Variants in IKZF3 observed in about 807,000 individuals in gnomAD.
IKZF3 encodes the protein zinc finger protein Aiolos.
In IKZF3, 10 loss-of-function variants were observed where a neutral mutation model predicts 49.0. The ratio of observed to expected loss-of-function variants is 0.20; its 90% confidence interval spans 0.13 to 0.35. IKZF3 has a LOEUF of 0.35. Among genes scored for constraint, IKZF3 ranks in the 10% least tolerant of loss-of-function variants. IKZF3 has a pLI of 1.00. For synonymous variants in IKZF3, 209 were observed against 228.2 expected, an observed-to-expected ratio of 0.92 and a Z score of 0.76; for missense variants, 498 against 664.8, an observed-to-expected ratio of 0.75 and a Z score of 2.76.
At chr17:39,809,638 C>T in intron 3 of IKZF3, among the ~76,000 whole-genome samples, 1 of 152,226 alleles carries the variant, frequency 6.6e-6, no homozygotes, top group East Asian at 1.9e-4. Flanking sequence ...AACCGCAAGA[C>T]ACAACTGTCA....
intron 3 of IKZF3, among the ~76,000 whole-genome samples, chr17:39,824,079 G>A (rs2061890013): frequency 6.6e-6 from 1 of 152,228 alleles, no homozygotes; most frequent in Admixed American, 6.5e-5. Context: ...AAAGCAGCTG[G>A]GAAGGGGACT....
intron 3 of IKZF3, among the ~76,000 whole-genome samples, chr17:39,796,736 C>T (rs112350333): frequency 0.1 from 14,866 of 148,972 alleles, 952 homozygotes; most frequent in Non-Finnish European, 0.13. Flanking sequence ...TTAGTAGAGA[C>T]GGGGTTTCAC....
In IKZF3 at chr17:39,856,917, G is replaced by GA. The variant is rs542381942; in HGVS notation, c.7+7202dup. ...CATGTTTATAAAATTTTAATATTTG[G>GA]AAAAAAAAGCCTCATTTTGAGGTCA... is the stretch of plus-strand genomic sequence containing the variant. On this transcript the variant is annotated intron_variant, in intron 1 of 7. Coordinates refer to ENST00000346872, the MANE Select transcript of IKZF3 (RefSeq NM_012481.5). 7.3e-5 allele frequency among the ~76,000 whole-genome samples: 11 copies of GA among 151,298 alleles called. No homozygotes were observed. In the East Asian group the frequency reaches 1.4e-3, roughly 19 times the overall value.
intron 5 of IKZF3, among the ~76,000 whole-genome samples, chr17:39,789,703 G>A (rs146372823): frequency 0.034 from 5,050 of 150,494 alleles, 319 homozygotes; most frequent in African/African-American, 0.12. Flanking sequence ...ACTCCAGCCT[G>A]GGTGACAGAG....
chr17:39,825,938 A>G (rs1315841394), intron 3 of IKZF3, among the ~76,000 whole-genome samples: 1 of 152,158 alleles, frequency 6.6e-6, no homozygotes, highest in Non-Finnish European at 1.5e-5. Flanking sequence ...TTTCCCCTAC[A>G]ATTGACTTTG....
intron 1 of IKZF3, among the ~76,000 whole-genome samples, chr17:39,850,700 T>TATCTAATATGCTATATAG (rs2062825365): frequency 1.1e-3 from 2 of 1,856 alleles, no homozygotes; most frequent in East Asian, 0.019. Flanking sequence ...TATATATACA[T>TATCTAATATGCTATATAG]TATATATAAT....
At chr17:39,838,419 T>G (rs910437649) in intron 1 of IKZF3, among the ~76,000 whole-genome samples, 3 of 152,222 alleles carry the variant, frequency 2.0e-5, no homozygotes, top group African/African-American at 7.2e-5. Flanking sequence ...CTAATGAGTT[T>G]TCTTTTTCAG....
At chr17:39,857,243 C>T (rs1568075564) in intron 1 of IKZF3, among the ~76,000 whole-genome samples, 1 of 152,084 alleles carries the variant, frequency 6.6e-6, no homozygotes, top group Non-Finnish European at 1.5e-5. Flanking sequence ...AATTCCATAT[C>T]CATAAAAATG....
At chr17:39,855,659 T>G (rs7212976) in intron 1 of IKZF3, among the ~76,000 whole-genome samples, 5,330 of 152,234 alleles carry the variant, frequency 0.035, 321 homozygotes, top group African/African-American at 0.12. Flanking sequence ...GCCCTACTAA[T>G]TCAAATCTGA....
At chr17:39,853,367 T>C (rs1383500133) in intron 1 of IKZF3, among the ~76,000 whole-genome samples, 1 of 152,202 alleles carries the variant, frequency 6.6e-6, no homozygotes, top group African/African-American at 2.4e-5. Flanking sequence ...TTAAACTTTA[T>C]AAAACTGTCG....
At chr17:39,835,436 G>T in intron 1 of IKZF3, 1 of 466,836 alleles carries the variant, frequency 2.1e-6, no homozygotes. Flanking sequence ...TGGCCTTTGA[G>T]GCCCTCTGTC....
chr17:39,861,082 T>C (rs984946783), intron 1 of IKZF3, among the ~76,000 whole-genome samples: 30 of 152,230 alleles, frequency 2.0e-4, no homozygotes, highest in African/African-American at 6.5e-4. Flanking sequence ...TTTTCAGCAC[T>C]ATTTTAATTG....
At position 39,780,417 on chromosome 17, in the gene IKZF3, G is replaced by A. The variant is rs528435435; in HGVS notation, c.710-2650C>T. Among the ~76,000 whole-genome samples the A allele has an allele frequency of 2.6e-5, 4 of 152,174 alleles. No individual in the cohort carries two copies. The South Asian group carries it at 8.3e-4, about 32-fold the overall frequency. ...TCAACTCTGTTACCCAGGGTGGAGT[G>A]CAGTGGCATGATCACAGCTCACTGC... On this transcript the variant is annotated intron_variant, in intron 6 of 7. Coordinates refer to ENST00000346872, the MANE Select transcript of IKZF3 (RefSeq NM_012481.5).
chr17:39,819,662 ACT>A (rs1312863336), intron 3 of IKZF3, among the ~76,000 whole-genome samples: 1 of 152,058 alleles, frequency 6.6e-6, no homozygotes, highest in African/African-American at 2.4e-5. Context: ...AAAGAAAAAG[ACT>A]CTGAGAAATG....
At chr17:39,777,223 A>C (rs2060612925) in intron 7 of IKZF3, among the ~76,000 whole-genome samples, 2 of 152,250 alleles carry the variant, frequency 1.3e-5, no homozygotes, top group South Asian at 2.1e-4. Context: ...AATTCAAGAA[A>C]ATATGGCAAT....
At chr17:39,853,912 G>A (rs907464289) in intron 1 of IKZF3, among the ~76,000 whole-genome samples, 5 of 150,812 alleles carry the variant, frequency 3.3e-5, no homozygotes, top group East Asian at 1.9e-4. Context: ...GGTGGATCAC[G>A]AGGTCTGGAG....
At chr17:39,844,450 A>G (rs939100445) in intron 1 of IKZF3, among the ~76,000 whole-genome samples, 10 of 152,118 alleles carry the variant, frequency 6.6e-5, no homozygotes, top group African/African-American at 2.2e-4. Flanking sequence ...ACTTGGCTCA[A>G]TTTCTCTTTT....
At chr17:39,856,858 GA>G (rs2063076200) in intron 1 of IKZF3, among the ~76,000 whole-genome samples, 1 of 151,652 alleles carries the variant, frequency 6.6e-6, no homozygotes, top group Non-Finnish European at 1.5e-5. Flanking sequence ...ATGCACAGGA[GA>G]AAAAAGACCA....
At chr17:39,836,013 G>T in intron 1 of IKZF3, 1 of 635,538 alleles carries the variant, frequency 1.6e-6, no homozygotes, top group South Asian at 1.5e-5. Flanking sequence ...GCTGCTCCAA[G>T]CTGTCTTCTG....
Sources: gnomAD v4.1 joint callset for allele counts (sites outside exome capture counted in the v4.1 genomes callset) on GRCh38, gnomAD v4.1.1 for gene constraint, MANE v1.5 for transcripts, NCBI Gene and HGNC (gene_info 2026-07-23, HGNC 2026-07-21) for gene names.